ADGRB3: variants seen among roughly 807,000 people sequenced by gnomAD.
ADGRB3 encodes brain-specific angiogenesis inhibitor 3.
A neutral mutation model predicts 193.4 loss-of-function variants in ADGRB3; 37 were observed. That is an observed-to-expected ratio of 0.19 (90% CI 0.15 to 0.25). The LOEUF (loss-of-function observed/expected upper bound fraction) is 0.25. Among genes scored for constraint, ADGRB3 ranks in the 10% least tolerant of loss-of-function variants. The pLI is 1.00. For synonymous variants in ADGRB3, 690 were observed against 644.2 expected, an observed-to-expected ratio of 1.07 and a Z score of -1.08; for missense variants, 1,637 against 1,852.9, an observed-to-expected ratio of 0.88 and a Z score of 2.14.
intron 3 of ADGRB3, among the ~76,000 whole-genome samples, chr6:68,776,170 A>G (rs1010116060): frequency 1.4e-4 from 21 of 152,142 alleles, no homozygotes; most frequent in Admixed American, 8.5e-4. Flanking sequence ...ACTGCTTAAT[A>G]GCACTCAATT....
intron 17 of ADGRB3, among the ~76,000 whole-genome samples, chr6:69,230,487 A>G (rs190529042): frequency 2.1e-3 from 322 of 152,322 alleles, no homozygotes; most frequent in African/African-American, 5.6e-3. Flanking sequence ...CCTGAAATCA[A>G]TCAGACATGT....
chr6:68,740,493 T>A (rs1026441798), intron 3 of ADGRB3, among the ~76,000 whole-genome samples: 1 of 152,152 alleles, frequency 6.6e-6, no homozygotes, highest in African/African-American at 2.4e-5. Context: ...AAAACATCAA[T>A]TTGTATCAAT....
intron 13 of ADGRB3, among the ~76,000 whole-genome samples, chr6:69,020,764 C>T (rs757139379): frequency 3.9e-4 from 60 of 152,112 alleles, no homozygotes; most frequent in Non-Finnish European, 8.2e-4. Flanking sequence ...TTGATTTCCT[C>T]AAATGCTAGC....
At chr6:68,941,315 T>G (rs1255662886) in intron 5 of ADGRB3, among the ~76,000 whole-genome samples, 1 of 152,168 alleles carries the variant, frequency 6.6e-6, no homozygotes, top group Non-Finnish European at 1.5e-5. Context: ...TAAAATAACA[T>G]TGTTAGTGAT....
chr6:68,938,611 G>T (rs1457627177), intron 5 of ADGRB3, among the ~76,000 whole-genome samples: 1 of 151,872 alleles, frequency 6.6e-6, no homozygotes, highest in Non-Finnish European at 1.5e-5. Context: ...TAGTCACCAT[G>T]CGGTATAATA....
At chr6:68,674,961 A>T (rs1345464226) in intron 3 of ADGRB3, among the ~76,000 whole-genome samples, 1 of 151,964 alleles carries the variant, frequency 6.6e-6, no homozygotes, top group East Asian at 1.9e-4. Flanking sequence ...AAAATATAAG[A>T]TAGGGAAGTT....
intron 6 of ADGRB3, among the ~76,000 whole-genome samples, chr6:68,951,798 T>C (rs939196108): frequency 9.9e-5 from 15 of 152,118 alleles, no homozygotes; most frequent in African/African-American, 3.6e-4. Context: ...AAGTAAGCCA[T>C]ACACAAGGAG....
rs142657133 is a variant in ADGRB3 at position 68,766,566 on chromosome 6, C to G, written c.757+127134C>G. On this transcript the variant is annotated intron_variant, in intron 3 of 31. Transcript: ENST00000370598. Reference sequence around the variant, plus strand: ...GCTTTAATGTGATTGCTAAGACTTCCTAGATGAGGCTATTTTGAATATAAT... The same window carrying G: ...GCTTTAATGTGATTGCTAAGACTTCGTAGATGAGGCTATTTTGAATATAAT... Among the ~76,000 whole-genome samples, 277 of 151,988 alleles carry G rather than the reference C, an allele frequency of 1.8e-3. 3 individuals carry two copies. The highest frequency in any genetic ancestry group is 6.4e-3 in the African/African-American group (267 of 41,508).
At chr6:68,844,008 A>G (rs1768221989) in intron 3 of ADGRB3, among the ~76,000 whole-genome samples, 1 of 152,158 alleles carries the variant, frequency 6.6e-6, no homozygotes, top group South Asian at 2.1e-4. Context: ...TCTCACATAT[A>G]CAAATATCAA....
intron 20 of ADGRB3, among the ~76,000 whole-genome samples, chr6:69,244,429 A>T (rs1453561816): frequency 6.6e-6 from 1 of 152,044 alleles, no homozygotes; most frequent in Non-Finnish European, 1.5e-5. Flanking sequence ...AGCACTCTCT[A>T]ATTCAACTAT....
intron 3 of ADGRB3, among the ~76,000 whole-genome samples, chr6:68,924,282 A>C (rs1288589688): frequency 1.3e-5 from 2 of 152,034 alleles, no homozygotes; most frequent in Non-Finnish European, 2.9e-5. Context: ...TGTCCAGCTT[A>C]CTAACATTTC....
intron 15 of ADGRB3, among the ~76,000 whole-genome samples, chr6:69,060,385 GTAGCTACT>G (rs2150306926): frequency 6.6e-6 from 1 of 152,048 alleles, no homozygotes; most frequent in South Asian, 2.1e-4. Flanking sequence ...GCAACTTATT[GTAGCTACT>G]TTGCTCCTTA....
At chr6:69,232,460 CT>C in intron 17 of ADGRB3, 1 of 1,518,362 alleles carries the variant, frequency 6.6e-7, no homozygotes, top group Non-Finnish European at 8.8e-7. Flanking sequence ...ACCAGGCTCT[CT>C]TCCCTACTCC....
chr6:68,986,642 C>T (rs1194219238), intron 10 of ADGRB3, among the ~76,000 whole-genome samples: 38 of 152,000 alleles, frequency 2.5e-4, no homozygotes, highest in Admixed American at 2.4e-3. Flanking sequence ...TAGGAAATTA[C>T]AGATTATGAA....
chr6:68,759,643 C>CT (rs1766357620), intron 3 of ADGRB3, among the ~76,000 whole-genome samples: 1 of 151,872 alleles, frequency 6.6e-6, no homozygotes, highest in Non-Finnish European at 1.5e-5. Context: ...CAAATTGGTT[C>CT]TTTTTTAATG....
intron 10 of ADGRB3, among the ~76,000 whole-genome samples, chr6:68,975,846 T>C (rs1214630051): frequency 2.6e-5 from 4 of 152,306 alleles, no homozygotes; most frequent in Middle Eastern, 3.4e-3. Context: ...AAAGATTACA[T>C]GGGCCAAATT....
rs75948455 is a variant in ADGRB3 at position 69,000,571 on chromosome 6, T to G, written c.1929+6609T>G. ...CTTCAGCACCATTCTGGGCTCATTTTAAGCAGTGAAATCAACAAAACAAAA... is the reference window on the plus strand; with the variant it reads ...CTTCAGCACCATTCTGGGCTCATTTGAAGCAGTGAAATCAACAAAACAAAA... On this transcript the variant is annotated intron_variant, in intron 11 of 31. Transcript: ENST00000370598. 5.7e-3 allele frequency among the ~76,000 whole-genome samples: 863 copies of G among 152,306 alleles called. 8 individuals are homozygous for G. Among genetic ancestry groups the G allele is most frequent in the African/African-American group, 0.02 (820 of 41,552 alleles).
chr6:69,298,596 A>G (rs1371825008), intron 20 of ADGRB3, among the ~76,000 whole-genome samples: 1 of 151,848 alleles, frequency 6.6e-6, no homozygotes, highest in South Asian at 2.1e-4. Context: ...TCATGAGATC[A>G]ATATTTTTAG....
chr6:68,797,487 A>C (rs940608980), intron 3 of ADGRB3, among the ~76,000 whole-genome samples: 1 of 152,072 alleles, frequency 6.6e-6, no homozygotes, highest in Middle Eastern at 3.2e-3. Flanking sequence ...CATCCAGCCC[A>C]GGTGGAGGGC....
Sources: gnomAD v4.1 joint callset for allele counts (sites outside exome capture counted in the v4.1 genomes callset) on GRCh38, gnomAD v4.1.1 for gene constraint, MANE v1.5 for transcripts, NCBI Gene and HGNC (gene_info 2026-07-23, HGNC 2026-07-21) for gene names.